Variants in GSS observed in about 807,000 individuals in gnomAD.
The protein encoded by GSS is GSH synthetase.
In GSS, 34 loss-of-function variants were observed where a neutral mutation model predicts 60.4. The ratio of observed to expected loss-of-function variants is 0.56; its 90% CI spans 0.43 to 0.75. GSS has a LOEUF of 0.75. GSS is among the 30% of genes least tolerant of loss of function. GSS has a pLI of 0.00. For synonymous variants in GSS, 224 were observed against 239.0 expected (o/e 0.94, Z 0.58); for missense variants, 499 against 595.1 (o/e 0.84, Z 1.68).
Position 34,941,466 on chromosome 20 carries a change from T to C in GSS, c.608+247A>G, listed in dbSNP as rs185326675. ...CTAACCCTAGGTAGCACTACTGTAT[T>C]ACAGCAAGCTGCAATTGTTGACAGT... On this transcript the variant is annotated intron_variant, in intron 6 of 12. Coordinates refer to ENST00000651619, the MANE Select transcript of GSS (RefSeq NM_000178.4). 2.4e-4 allele frequency among the ~76,000 whole-genome samples: 37 copies of C among 152,318 alleles called. No homozygotes were observed. The East Asian group carries it at 6.9e-3, about 29-fold the overall frequency.
chr20:34,941,186 C>T (rs187185621), intron 6 of GSS, among the ~76,000 whole-genome samples: 30 of 152,208 alleles, frequency 2.0e-4, no homozygotes, highest in Middle Eastern at 3.4e-3. Flanking sequence ...GAAACCCCGT[C>T]TCTACTAAAA....
At chr20:34,931,554 C>T in intron 10 of GSS, 137 bp from the exon 11 acceptor site, 1 of 747,210 alleles carries the variant, frequency 1.3e-6, no homozygotes, top group Non-Finnish European at 2.4e-6. Flanking sequence ...AGGCAGGATG[C>T]TACTATCTGG....
chr20:34,950,315 A>C (rs1434903353), intron 2 of GSS, among the ~76,000 whole-genome samples: 1 of 152,168 alleles, frequency 6.6e-6, no homozygotes, highest in Non-Finnish European at 1.5e-5. Flanking sequence ...GGGCCTTAGC[A>C]AACAATTACT....
Position 34,941,827 on chromosome 20 carries a change from T to C in GSS, c.494A>G (p.His165Arg), listed in dbSNP as rs752047572. 8 of 1,564,762 alleles carry C rather than the reference T, an allele frequency of 5.1e-6. No individual in the cohort carries two copies. The highest frequency in any genetic ancestry group is 7.0e-6 in the Non-Finnish European group (8 of 1,136,682). ...GGTCTTACTCAGGACACTGAGAACA[T>C]GTCTGTTGGAAGAGAGATGGCTGTT... Reference protein sequence around the residue: ...LASRTPAVHRHVLSVLSKTKE... With the variant: ...LASRTPAVHRRVLSVLSKTKE... The change falls in exon 6 of 13, where the codon CAT becomes CGT. Residue 165 changes from histidine to arginine, a missense_variant and splice_region_variant. Transcript: ENST00000651619.
chr20:34,951,974 G>T, intron 1 of GSS, 114 bp from the exon 2 acceptor site: 1 of 1,039,904 alleles, frequency 9.6e-7, no homozygotes. Context: ...TGTTGGAAGG[G>T]AACAGCGTGG....
At chr20:34,955,020 G>T (rs1246840148) in intron 1 of GSS, 4 of 152,328 alleles carry the variant, frequency 2.6e-5, no homozygotes, top group African/African-American at 9.6e-5. Flanking sequence ...ACCAGGATAT[G>T]TTGGCCTCTG....
At position 34,928,713 on chromosome 20, in the gene GSS, C is replaced by A. The variant is rs2081371421; in HGVS notation, c.*115G>T. 1.1e-5 allele frequency: 13 copies of A among 1,150,710 alleles called. No individual in the cohort carries two copies. In the South Asian group the frequency reaches 1.2e-4, roughly 10 times the overall value. 71.3% of individuals were successfully genotyped at this position (1,150,710 alleles called of 1,614,324 possible). Reference sequence around the variant, plus strand: ...CAGATGGAAAGCTGGGGGAAGGTACCAGTATTTACCCTTCCATAAAAACTT... The same window carrying A: ...CAGATGGAAAGCTGGGGGAAGGTACAAGTATTTACCCTTCCATAAAAACTT... On this transcript the variant is annotated 3_prime_UTR_variant, in exon 13 of 13. Coordinates refer to ENST00000651619, the MANE Select transcript of GSS (RefSeq NM_000178.4).
chr20:34,936,233 T>C (rs761669851), intron 8 of GSS, among the ~76,000 whole-genome samples: 35 of 152,362 alleles, frequency 2.3e-4, no homozygotes, highest in Admixed American at 3.9e-4. Context: ...GTGAGTGGTA[T>C]TGTGAAATTC....
chr20:34,948,477 G>A (rs1156291842), intron 2 of GSS, among the ~76,000 whole-genome samples: 1 of 152,138 alleles, frequency 6.6e-6, no homozygotes, highest in East Asian at 1.9e-4. Context: ...ACTTTTGATA[G>A]AGACATTAAC....
At position 34,942,618 on chromosome 20, in the gene GSS, G is replaced by C. The variant is rs766593314; in HGVS notation, c.361C>G (p.Leu121Val). Residue 121 changes from leucine (L) to valine (V), a missense_variant, in exon 5 of 13, where the codon CTG becomes GTG. Leu to Val is a conservative substitution (Grantham distance 32). Coordinates refer to ENST00000651619, the MANE Select transcript of GSS (RefSeq NM_000178.4). ...ATGTAGTCTGAGCGATTCAGGCCCA[G>C]GAACACAGTCTGTGGGGAAAACTGA... is the stretch of plus-strand genomic sequence containing the variant. ...LKEGIAQTVF[L>V]GLNRSDYMFQ... is the part of the protein sequence containing the mutation. The C allele has an allele frequency of 1.9e-6, 3 of 1,614,104 alleles. No individual in the cohort carries two copies. In the Admixed American group the frequency reaches 5.0e-5, roughly 27 times the overall value.
chr20:34,935,733 T>G, intron 8 of GSS, 91 bp from the exon 9 acceptor site: 1 of 1,094,258 alleles, frequency 9.1e-7, no homozygotes, highest in South Asian at 1.3e-5. Context: ...AAGATGAATT[T>G]GGCTTTTTCA....
intron 9 of GSS, among the ~76,000 whole-genome samples, 183 bp downstream of exon 9, chr20:34,935,393 A>G (rs2081432841): frequency 6.6e-6 from 1 of 152,174 alleles, no homozygotes; most frequent in African/African-American, 2.4e-5. Context: ...ATTCTAGAAG[A>G]CTGTGTAGAG....
chr20:34,946,955 G>C (rs1158779481), intron 2 of GSS, among the ~76,000 whole-genome samples: 1 of 152,208 alleles, frequency 6.6e-6, no homozygotes, highest in Non-Finnish European at 1.5e-5. Context: ...ACTTGGGTAA[G>C]AGATGAAAAG....
intron 9 of GSS, among the ~76,000 whole-genome samples, chr20:34,932,732 C>T (rs1314062124): frequency 6.6e-6 from 1 of 152,174 alleles, no homozygotes; most frequent in East Asian, 1.9e-4. Context: ...TCTTTTTACC[C>T]AGTTGTTTCA....
chr20:34,928,868 G>A lies in GSS; in HGVS notation c.1385C>T (p.Ala462Val). ...KAIEHADGGV[A>V]AGVAVLDNPY... ...GTTGTCCAGGACTGCCACTCCCGCT[G>A]CCACACCACCATCTGCATGCTCGAT... Residue 462 changes from alanine (A) to valine (V), a missense_variant, in exon 13 of 13, where the codon GCA becomes GTA. Physicochemically the swap from Ala to Val is moderately conservative, Grantham distance 64. Coordinates refer to ENST00000651619, the MANE Select transcript of GSS (RefSeq NM_000178.4). 6.2e-7 allele frequency: 1 copy of A among 1,614,012 alleles called. No individual in the cohort carries two copies. Among genetic ancestry groups the A allele is most frequent in the South Asian group, 1.1e-5 (1 of 91,060 alleles).
chr20:34,938,547 G>A (rs2081458508), intron 6 of GSS, among the ~76,000 whole-genome samples: 1 of 152,122 alleles, frequency 6.6e-6, no homozygotes, highest in South Asian at 2.1e-4. Context: ...TCTTCACTTT[G>A]CAGCCTAAAC....
chr20:34,947,230 G>C lies in GSS; in HGVS notation c.130-1132C>G, dbSNP rs530410323. Among the ~76,000 whole-genome samples the C allele has an allele frequency of 1.4e-3, 216 of 152,102 alleles. 1 individual carries two copies. The highest frequency in any genetic ancestry group is 5.0e-3 in the African/African-American group (207 of 41,488). On this transcript the variant is annotated intron_variant, in intron 2 of 12. Coordinates refer to ENST00000651619, the MANE Select transcript of GSS (RefSeq NM_000178.4). ...AGCCTCCCAAGTAGCTGAGACTACA[G>C]GTGTGTGCCACCACACCCAGGTAAT...
chr20:34,936,445 C>T (rs2081441566), intron 8 of GSS, among the ~76,000 whole-genome samples: 2 of 152,212 alleles, frequency 1.3e-5, no homozygotes, highest in Admixed American at 1.3e-4. Flanking sequence ...TGCTCCTCTT[C>T]CTCCCTGACT....
intron 3 of GSS, among the ~76,000 whole-genome samples, chr20:34,944,146 A>G (rs978534690): frequency 4.6e-5 from 7 of 152,210 alleles, no homozygotes; most frequent in African/African-American, 1.7e-4. Context: ...GCTGGGCTTC[A>G]GCCTCCAAGG....
Sources: allele counts gnomAD v4.1 joint callset (sites outside exome capture counted in the v4.1 genomes callset), GRCh38; gene constraint gnomAD v4.1.1; transcripts MANE v1.5; gene names NCBI Gene and HGNC (gene_info 2026-07-23, HGNC 2026-07-21).